The following PPP2R3B variants were observed in gnomAD, a reference collection of about 807,000 sequenced individuals.
The protein encoded by PPP2R3B is serine/threonine-protein phosphatase 2A regulatory subunit B'' subunit beta.
PPP2R3B carries 68 observed loss-of-function variants against 72.9 expected under a neutral mutation model. That is an observed-to-expected ratio of 0.93 (90% CI 0.77 to 1.14). The LOEUF (loss-of-function observed/expected upper bound fraction) is 1.14. Among genes scored for constraint, PPP2R3B ranks in the 50% most tolerant of loss-of-function variants. The pLI, the probability that PPP2R3B is intolerant of heterozygous loss-of-function variation, is 0.00. For synonymous variants in PPP2R3B, 466 were observed against 375.8 expected, an observed-to-expected ratio of 1.24 and a Z score of -2.78; for missense variants, 1,018 against 842.0, an observed-to-expected ratio of 1.21 and a Z score of -2.59.
In PPP2R3B at chrX:355,767, G is replaced by A. The variant is rs189100544; in HGVS notation, c.510+5638C>T. On this transcript the variant is annotated intron_variant, in intron 2 of 12. Transcript: ENST00000390665. ...TTTACATAAAATTCCAGAAAATTCC[G>A]GCTAATCTATATTGACAGAAAGGAG... Among the ~76,000 whole-genome samples, 16 of 152,290 alleles carry A rather than the reference G, an allele frequency of 1.1e-4. No individual in the cohort carries two copies. The East Asian group carries it at 1.9e-3, about 18-fold the overall frequency.
rs1346955668 is a variant in PPP2R3B, at chrX:386,875, C to G, written c.-184G>C. The G allele has an allele frequency of 1.4e-5, 3 of 208,818 alleles. No individual in the cohort carries two copies. The highest frequency in any genetic ancestry group is 1.8e-4 in the South Asian group (1 of 5,544). The allele number at this position is 208,818 out of a possible 1,614,324, so 12.9% of individuals were successfully genotyped here. ...CGGGGCGCGGGGACCGAGGAGGGGG[C>G]GCGGTCCGGCCCGCGCTGCTCAGGG... On this transcript the variant is annotated 5_prime_UTR_variant, in exon 1 of 13. Transcript: ENST00000390665.
intron 1 of PPP2R3B, among the ~76,000 whole-genome samples, chrX:370,607 G>A (rs1166473619): frequency 6.6e-6 from 1 of 152,180 alleles, no homozygotes. Flanking sequence ...TTCCCACCCG[G>A]GCTTCTGTTT....
At chrX:346,367 CGG>C (rs1015512598) in intron 5 of PPP2R3B, 107 bp from the exon 6 acceptor site, 19 of 1,132,988 alleles carry the variant, frequency 1.7e-5, no homozygotes, top group Non-Finnish European at 2.4e-5. Context: ...CTCAGCCGCA[CGG>C]GGCCGCCAGG....
chrX:341,556 G>A (rs1387217620), intron 8 of PPP2R3B, 160 bp from the exon 9 acceptor site: 5 of 772,920 alleles, frequency 6.5e-6, no homozygotes, highest in Non-Finnish European at 1.1e-5. Flanking sequence ...GGGAGGAGGT[G>A]GAGGCCCCGT....
chrX:361,443 C>T lies in PPP2R3B; in HGVS notation c.472G>A (p.Glu158Lys), dbSNP rs1392552478. The T allele has an allele frequency of 9.9e-6, 16 of 1,613,858 alleles. No individual in the cohort carries two copies. Among genetic ancestry groups the T allele is most frequent in the African/African-American group, 5.3e-5 (4 of 74,946 alleles). The change falls in exon 2 of 13, where the codon GAG (glutamate) becomes AAG (lysine). Residue 158 changes from glutamate (E) to lysine (K), a missense_variant. By Grantham distance (56) the Glu-to-Lys change is moderately conservative (BLOSUM62 1). Transcript: ENST00000390665. ...IESTFARFPH[E>K]RATMDDMGLV... ...CCCATGTCATCCATGGTGGCCCTCT[C>T]GTGGGGGAACCGGGCGAAGGTGCTC...
chrX:363,481 GAGCCCAGCATCCCACAA>G (rs2071596595), intron 1 of PPP2R3B, among the ~76,000 whole-genome samples: 4 of 136,154 alleles, frequency 2.9e-5, no homozygotes, highest in South Asian at 2.3e-4. Context: ...GCATCTCCCC[GAGCCCAGCATCCCACAA>G]TGCATCTCCC....
At chrX:359,535 G>A (rs969003783) in intron 2 of PPP2R3B, among the ~76,000 whole-genome samples, 2 of 152,160 alleles carry the variant, frequency 1.3e-5, no homozygotes, top group African/African-American at 4.8e-5. Context: ...CTGTAAGAAA[G>A]TTTCTAATAT....
intron 12 of PPP2R3B, chrX:337,516 G>T: frequency 6.6e-6 from 1 of 152,418 alleles, no homozygotes; most frequent in Admixed American, 6.5e-5. Context: ...CGTGCACCAC[G>T]GGAGGCCGGT....
rs902950749 is a variant in PPP2R3B, at chrX:347,833, G to A, written c.511-140C>T. The A allele has an allele frequency of 7.8e-5, 48 of 612,476 alleles. No individual in the cohort carries two copies. In the African/African-American group the frequency reaches 8.4e-4, roughly 11 times the overall value. 37.9% of individuals were successfully genotyped at this position (612,476 alleles called of 1,614,324 possible). A position where few individuals can be genotyped will look rare whatever the true frequency, so the allele number is the denominator to read the frequency against. On this transcript the variant is annotated intron_variant, in intron 2 of 12. Transcript: ENST00000390665. Reference sequence around the variant, plus strand: ...AGCACGCTCAGCGCGGCCTGTCTGGGCATCTGCAAACTCAACGTGGCTTTC... The same window carrying A: ...AGCACGCTCAGCGCGGCCTGTCTGGACATCTGCAAACTCAACGTGGCTTTC...
At chrX:378,346 A>G (rs2072044455) in intron 1 of PPP2R3B, among the ~76,000 whole-genome samples, 1 of 152,198 alleles carries the variant, frequency 6.6e-6, no homozygotes, top group Non-Finnish European at 1.5e-5. Flanking sequence ...CTCACTAAAC[A>G]TACATTTGTT....
chrX:368,008 C>T (rs1266973165), intron 1 of PPP2R3B, among the ~76,000 whole-genome samples: 1 of 152,264 alleles, frequency 6.6e-6, no homozygotes, highest in East Asian at 1.9e-4. Context: ...CTGATGCTAA[C>T]TTTATCCATG....
intron 1 of PPP2R3B, among the ~76,000 whole-genome samples, chrX:383,837 CAAAAAAAAAAAAAAA>C (rs757960788): frequency 5.7e-4 from 26 of 45,622 alleles, no homozygotes; most frequent in Non-Finnish European, 7.9e-4. Flanking sequence ...GACTCCGTCT[CAAAAAAAAAAAAAAA>C]AAAAAAAAAA....
chrX:360,290 T>C (rs1412003688), intron 2 of PPP2R3B, among the ~76,000 whole-genome samples: 1 of 152,134 alleles, frequency 6.6e-6, no homozygotes, highest in Non-Finnish European at 1.5e-5. Context: ...TCCCAGCACT[T>C]TGGGAGGCCG....
intron 7 of PPP2R3B, among the ~76,000 whole-genome samples, chrX:343,605 G>A (rs1253417438): frequency 0.025 from 25 of 996 alleles, 5 homozygotes; most frequent in Non-Finnish European, 0.036. Flanking sequence ...GTGAGACCTC[G>A]CCAACGGGAG....
Position 334,268 on chromosome X carries a change from C to G in PPP2R3B, c.*99G>C. On this transcript the variant is annotated 3_prime_UTR_variant, in exon 13 of 13. Coordinates refer to ENST00000390665, the MANE Select transcript of PPP2R3B (RefSeq NM_013239.5). ...ATAAATAAAAGTTTATCATTCCGTA[C>G]AAACGCACTCATTTTCCACAACAGT... 2 of 1,298,040 alleles carry G rather than the reference C, an allele frequency of 1.5e-6. No homozygotes were observed. Among genetic ancestry groups the G allele is most frequent in the Non-Finnish European group, 2.0e-6 (2 of 988,688 alleles). The allele number at this position is 1,298,040 out of a possible 1,614,324, so 80.4% of individuals were successfully genotyped here. A position where few individuals can be genotyped will look rare whatever the true frequency, so the allele number is the denominator to read the frequency against.
At chrX:353,231 G>A (rs1011767950) in intron 2 of PPP2R3B, among the ~76,000 whole-genome samples, 4 of 152,042 alleles carry the variant, frequency 2.6e-5, no homozygotes, top group Non-Finnish European at 4.4e-5. Flanking sequence ...CAAATTAGCC[G>A]GGTGTGGTGG....
intron 12 of PPP2R3B, chrX:336,321 C>G (rs190352491): frequency 6.6e-5 from 10 of 152,210 alleles, no homozygotes; most frequent in African/African-American, 2.4e-4. Flanking sequence ...AGAGGAACCA[C>G]GGAGCGAAAG....
chrX:375,554 C>CG (rs2071972753), intron 1 of PPP2R3B, among the ~76,000 whole-genome samples: 1 of 147,936 alleles, frequency 6.8e-6, no homozygotes. Flanking sequence ...ACCCACGATG[C>CG]GGGGCGCAAA....
chrX:338,645 G>C lies in PPP2R3B; in HGVS notation c.1536C>G (p.Ile512Met), dbSNP rs373409561. 183 of 1,610,776 alleles carry C rather than the reference G, an allele frequency of 1.1e-4. 1 individual carries two copies. Among genetic ancestry groups the C allele is most frequent in the Non-Finnish European group, 1.5e-5 (18 of 1,179,558 alleles). Residue 512 changes from isoleucine to methionine, a missense_variant, in exon 12 of 13, where the codon ATC (isoleucine) becomes ATG (methionine). By Grantham distance (10) the Ile-to-Met change is conservative. Coordinates refer to ENST00000390665, the MANE Select transcript of PPP2R3B (RefSeq NM_013239.5). ...WEKYAAEEYD[I>M]LVAEETAGEP... ...CTCCCGCAGTCTCCTCGGCCACCAG[G>C]ATGTCGTACTCCTCGGCCGCGTACT...
Sources: allele counts gnomAD v4.1 joint callset (sites outside exome capture counted in the v4.1 genomes callset), GRCh38; gene constraint gnomAD v4.1.1; transcripts MANE v1.5; gene names NCBI Gene and HGNC (gene_info 2026-07-23, HGNC 2026-07-21).